FBXL17: variants seen among roughly 807,000 people sequenced by gnomAD.
The protein encoded by FBXL17 is F-box and leucine rich repeat protein 17.
A neutral mutation model predicts 66.2 loss-of-function variants in FBXL17; 22 were observed. The observed-to-expected ratio is 0.33, with a 90% CI of 0.24 to 0.47. The LOEUF is 0.47. FBXL17 is among the 20% of genes least tolerant of loss of function. The pLI is 1.00. For missense variants in FBXL17, 878 were observed against 948.2 expected, an observed-to-expected ratio of 0.93 and a Z score of 0.97; for synonymous variants, 474 against 400.5, an observed-to-expected ratio of 1.18 and a Z score of -2.19.
At chr5:107,871,730 G>A (rs1044238529) in intron 8 of FBXL17, among the ~76,000 whole-genome samples, 4 of 151,002 alleles carry the variant, frequency 2.6e-5, no homozygotes, top group Admixed American at 6.6e-5. Context: ...CCAATGGTTC[G>A]GCAAATGATC....
chr5:108,156,452 C>T (rs922981121), intron 6 of FBXL17, among the ~76,000 whole-genome samples: 14 of 151,852 alleles, frequency 9.2e-5, no homozygotes, highest in African/African-American at 3.4e-4. Context: ...ACTACATAAT[C>T]CTATTTATAT....
chr5:107,919,834 T>C (rs932438265), intron 7 of FBXL17, among the ~76,000 whole-genome samples: 1 of 152,188 alleles, frequency 6.6e-6, no homozygotes, highest in East Asian at 1.9e-4. Context: ...ACTTACCAAC[T>C]GATTGTATTT....
chr5:107,860,838 G>A lies in FBXL17; in HGVS notation c.*882C>T, dbSNP rs1748101355. 6.6e-6 allele frequency: 1 copy of A among 152,210 alleles called. No homozygotes were observed. Among genetic ancestry groups the A allele is most frequent in the Non-Finnish European group, 1.5e-5 (1 of 68,024 alleles). 9.4% of individuals were successfully genotyped at this position (152,210 alleles called of 1,614,324 possible). ...TAAGAAAATAATGAAATGATCTGTA[G>A]TTTTTAAAATAACTGCACACCATTA... On this transcript the variant is annotated 3_prime_UTR_variant, in exon 9 of 9. Transcript: ENST00000542267.
rs554108423 is a variant in FBXL17, at chr5:108,018,935, G to C, written c.1822+1990C>G. 1.8e-4 allele frequency among the ~76,000 whole-genome samples: 28 copies of C among 152,128 alleles called. 1 individual carries two copies. The highest frequency in any genetic ancestry group is 3.8e-4 in the Non-Finnish European group (26 of 68,006). ...GTCAATATGTTTTAGAAACTCTTCA[G>C]ACAGTCTAATGTGCAGACAGGGTTG... On this transcript the variant is annotated intron_variant, in intron 7 of 8. Coordinates refer to ENST00000542267, the MANE Select transcript of FBXL17 (RefSeq NM_001163315.3).
At chr5:108,267,465 A>G (rs1757090018) in intron 4 of FBXL17, among the ~76,000 whole-genome samples, 1 of 152,086 alleles carries the variant, frequency 6.6e-6, no homozygotes, top group Non-Finnish European at 1.5e-5. Context: ...ATTCAGTATA[A>G]GATGCAGGGT....
At chr5:108,029,136 T>C (rs1754936437) in intron 6 of FBXL17, among the ~76,000 whole-genome samples, 1 of 152,010 alleles carries the variant, frequency 6.6e-6, no homozygotes, top group Non-Finnish European at 1.5e-5. Context: ...ATAAAAAAAT[T>C]TTACAGGAGA....
chr5:108,374,738 C>T (rs1749302757), intron 1 of FBXL17, among the ~76,000 whole-genome samples: 2 of 151,910 alleles, frequency 1.3e-5, no homozygotes, highest in African/African-American at 4.8e-5. Flanking sequence ...AAATCACTAA[C>T]AGGAGGAAAT....
At chr5:108,017,504 G>C (rs1288816809) in intron 7 of FBXL17, among the ~76,000 whole-genome samples, 1 of 152,144 alleles carries the variant, frequency 6.6e-6, no homozygotes, top group African/African-American at 2.4e-5. Context: ...ATGCCACCAG[G>C]CACTCCACAA....
chr5:108,359,370 T>C (rs1335291328), intron 3 of FBXL17, among the ~76,000 whole-genome samples: 1 of 152,154 alleles, frequency 6.6e-6, no homozygotes, highest in Admixed American at 6.6e-5. Flanking sequence ...CCTGCTCTTC[T>C]TTCTCAAGGT....
chr5:108,227,446 C>G (rs1755147897), intron 4 of FBXL17, among the ~76,000 whole-genome samples: 1 of 152,204 alleles, frequency 6.6e-6, no homozygotes, highest in Non-Finnish European at 1.5e-5. Flanking sequence ...TCCAAATATT[C>G]TCTATCATAT....
At chr5:108,024,829 T>C (rs1754734977) in intron 6 of FBXL17, among the ~76,000 whole-genome samples, 2 of 152,188 alleles carry the variant, frequency 1.3e-5, no homozygotes. Flanking sequence ...AAGGTTACTT[T>C]GGTAAGCTAG....
chr5:108,191,716 C>T (rs757438532), intron 5 of FBXL17, among the ~76,000 whole-genome samples: 2 of 152,168 alleles, frequency 1.3e-5, no homozygotes, highest in Non-Finnish European at 2.9e-5. Flanking sequence ...CTACTCCTCA[C>T]AATAAGGTAG....
At chr5:107,985,023 A>G (rs1752965810) in intron 7 of FBXL17, among the ~76,000 whole-genome samples, 1 of 152,178 alleles carries the variant, frequency 6.6e-6, no homozygotes, top group African/African-American at 2.4e-5. Context: ...CAGAAGTTTG[A>G]CCAATTCCTT....
At chr5:108,362,800 C>T (rs533830981) in intron 3 of FBXL17, among the ~76,000 whole-genome samples, 11 of 151,986 alleles carry the variant, frequency 7.2e-5, no homozygotes, top group East Asian at 1.9e-4. Flanking sequence ...ATTTGGTATC[C>T]GCTAAAGTCA....
At chr5:108,222,444 G>A (rs1431133532) in intron 5 of FBXL17, among the ~76,000 whole-genome samples, 1 of 152,034 alleles carries the variant, frequency 6.6e-6, no homozygotes, top group Non-Finnish European at 1.5e-5. Flanking sequence ...GTTACATATG[G>A]TCTTGGTTAC....
chr5:108,325,576 A>G (rs116778073), intron 4 of FBXL17, among the ~76,000 whole-genome samples: 1,584 of 152,298 alleles, frequency 0.01, 23 homozygotes, highest in African/African-American at 0.036. Flanking sequence ...AAAGGGAAAA[A>G]GAAATATTAA....
rs1202613193 is a variant in FBXL17, at chr5:108,380,723, C to T, written c.969G>A (p.Gln323=). The change falls in exon 1 of 9, where the codon CAG becomes CAA. Residue 323 remains glutamine, a synonymous_variant. Transcript: ENST00000542267. ...CCTTGAGCAGGATGGACGGCGGCAGCTGGTTGATGTCTGGGGTTTCGGGGG... is the reference window on the plus strand; with the variant it reads ...CCTTGAGCAGGATGGACGGCGGCAGTTGGTTGATGTCTGGGGTTTCGGGGG... ...EPPPETPDIN[Q]LPPSILLKIF... The T allele has an allele frequency of 1.6e-6, 2 of 1,249,648 alleles. No individual in the cohort carries two copies. The highest frequency in any genetic ancestry group is 2.0e-6 in the Non-Finnish European group (2 of 989,386). The allele number at this position is 1,249,648 out of a possible 1,614,324, so 77.4% of individuals were successfully genotyped here.
chr5:107,917,318 C>A (rs1750164662), intron 7 of FBXL17, among the ~76,000 whole-genome samples: 1 of 152,040 alleles, frequency 6.6e-6, no homozygotes. Flanking sequence ...AGAGAATGAG[C>A]ATTCTATAAA....
At chr5:108,274,854 T>C (rs1009398340) in intron 4 of FBXL17, among the ~76,000 whole-genome samples, 1 of 152,218 alleles carries the variant, frequency 6.6e-6, no homozygotes, top group Admixed American at 6.5e-5. Flanking sequence ...ATTTTGTATG[T>C]TACAACTTTT....
Sources: allele counts gnomAD v4.1 joint callset (sites outside exome capture counted in the v4.1 genomes callset), GRCh38; gene constraint gnomAD v4.1.1; transcripts MANE v1.5; gene names NCBI Gene and HGNC (gene_info 2026-07-23, HGNC 2026-07-21).